The following GRIP1 variants were observed in gnomAD, a reference collection of about 807,000 sequenced individuals.
The protein encoded by GRIP1 is glutamate receptor-interacting protein 1.
A neutral mutation model predicts 129.9 loss-of-function variants in GRIP1; 45 were observed. The observed-to-expected ratio is 0.35, with a 90% CI of 0.27 to 0.44. The LOEUF (loss-of-function observed/expected upper bound fraction) is 0.44, where lower values mean the gene tolerates loss of function less well. Among genes scored for constraint, GRIP1 ranks in the 20% least tolerant of loss-of-function variants. GRIP1 has a pLI of 1.00. For missense variants in GRIP1, 1,196 were observed against 1,396.8 expected, an observed-to-expected ratio of 0.86 and a Z score of 2.29; for synonymous variants, 530 against 520.8, an observed-to-expected ratio of 1.02 and a Z score of -0.24.
intron 23 of GRIP1, among the ~76,000 whole-genome samples, chr12:66,368,650 C>T (rs2055290687): frequency 6.6e-6 from 1 of 152,162 alleles, no homozygotes; most frequent in Admixed American, 6.5e-5. Flanking sequence ...ATCCATGCCA[C>T]CACCGCAAAA....
At chr12:66,921,789 T>C (rs1336214102) in intron 1 of GRIP1, among the ~76,000 whole-genome samples, 1 of 152,238 alleles carries the variant, frequency 6.6e-6, no homozygotes, top group African/African-American at 2.4e-5. Context: ...ATCAGTTCTA[T>C]AGATCTAAAG....
intron 2 of GRIP1, among the ~76,000 whole-genome samples, chr12:66,546,304 T>C (rs1051073281): frequency 6.6e-6 from 1 of 150,526 alleles, no homozygotes; most frequent in Admixed American, 6.7e-5. Context: ...AGCAACACAG[T>C]GAGATCTCAT....
intron 12 of GRIP1, among the ~76,000 whole-genome samples, chr12:66,444,968 T>C (rs1414056371): frequency 6.6e-6 from 1 of 152,262 alleles, no homozygotes. Context: ...TTCATAACCA[T>C]GGTATTGTTA....
intron 19 of GRIP1, among the ~76,000 whole-genome samples, chr12:66,382,968 T>C (rs1018271130): frequency 6.6e-6 from 1 of 152,084 alleles, no homozygotes; most frequent in Non-Finnish European, 1.5e-5. Context: ...TGCAGTTAGA[T>C]AGCAGGTCAG....
At chr12:66,435,765 G>T (rs564137155) in intron 13 of GRIP1, among the ~76,000 whole-genome samples, 2 of 152,236 alleles carry the variant, frequency 1.3e-5, no homozygotes, top group Admixed American at 6.5e-5. Context: ...TGACACTGCA[G>T]GAGATATTAT....
chr12:66,697,712 C>T (rs866857407), intron 1 of GRIP1, among the ~76,000 whole-genome samples: 56 of 152,232 alleles, frequency 3.7e-4, no homozygotes, highest in Middle Eastern at 3.4e-3. Context: ...ATAGACAGCT[C>T]CAAATCTGAA....
At chr12:66,781,452 G>GA (rs1318107188) in intron 1 of GRIP1, among the ~76,000 whole-genome samples, 2 of 151,966 alleles carry the variant, frequency 1.3e-5, no homozygotes, top group Non-Finnish European at 2.9e-5. Context: ...ATCCAAACTA[G>GA]AAAAAATCAT....
chr12:66,839,162 GA>G (rs1192485654), intron 1 of GRIP1, among the ~76,000 whole-genome samples: 1 of 151,718 alleles, frequency 6.6e-6, no homozygotes, highest in East Asian at 1.9e-4. Context: ...AGGAAACAGA[GA>G]AAAAATGAAA....
intron 1 of GRIP1, among the ~76,000 whole-genome samples, chr12:66,617,494 A>G (rs1044265098): frequency 3.3e-5 from 5 of 152,026 alleles, no homozygotes; most frequent in African/African-American, 9.6e-5. Context: ...TTCTCTCTTT[A>G]TTTCTCTCAA....
chr12:66,779,518 A>C (rs1424514873), intron 1 of GRIP1, among the ~76,000 whole-genome samples: 1 of 152,234 alleles, frequency 6.6e-6, no homozygotes, highest in Admixed American at 6.5e-5. Context: ...CGTTTATTGT[A>C]TCAAAGAATA....
intron 1 of GRIP1, among the ~76,000 whole-genome samples, chr12:66,609,885 C>A (rs2064714491): frequency 6.6e-6 from 1 of 152,198 alleles, no homozygotes; most frequent in African/African-American, 2.4e-5. Flanking sequence ...ACACTTCAAT[C>A]ATGAAAGTAA....
intron 2 of GRIP1, among the ~76,000 whole-genome samples, chr12:66,584,288 G>A (rs2063525148): frequency 6.6e-6 from 1 of 151,686 alleles, no homozygotes; most frequent in Admixed American, 6.6e-5. Context: ...GGATAGCATT[G>A]GGAGATATAC....
In GRIP1 at chr12:66,856,658, C is replaced by A. The variant is rs1437531670; in HGVS notation, c.58+212392G>T. Among the ~76,000 whole-genome samples, 6 of 151,716 alleles carry A rather than the reference C, an allele frequency of 4.0e-5. No individual in the cohort carries two copies. The South Asian group carries it at 8.4e-4, about 21-fold the overall frequency. On this transcript the variant is annotated intron_variant, in intron 1 of 1. Coordinates refer to the GRIP1 transcript ENST00000643019. ...CACTGGCCATCAGAGAAATGCAAAT[C>A]AAAACCACAATGAGATACCATCTCA...
At chr12:66,691,590 T>C (rs2034983555) in intron 1 of GRIP1, among the ~76,000 whole-genome samples, 1 of 152,200 alleles carries the variant, frequency 6.6e-6, no homozygotes, top group South Asian at 2.1e-4. Flanking sequence ...GCTCCCACCA[T>C]GCCCTTGTCC....
intron 1 of GRIP1, among the ~76,000 whole-genome samples, chr12:66,861,540 T>TA (rs573669399): frequency 6.6e-6 from 1 of 152,094 alleles, no homozygotes; most frequent in Non-Finnish European, 1.5e-5. Context: ...TTTATAGAGA[T>TA]ACGCATATTG....
chr12:66,988,082 AAT>A (rs2042340000), intron 1 of GRIP1, among the ~76,000 whole-genome samples: 1 of 152,192 alleles, frequency 6.6e-6, no homozygotes, highest in Non-Finnish European at 1.5e-5. Flanking sequence ...AGAAACAATA[AAT>A]AAACTTAAGA....
rs112025707 is a variant in GRIP1 at position 67,053,786 on chromosome 12, C to T, written c.58+15264G>A. On this transcript the variant is annotated intron_variant, in intron 1 of 1. Transcript: ENST00000643019. ...CTGGGAAGTGGAGGTTGCAATGAGC[C>T]GAGATCGCACCACTGCACTCCAGCC... 1.4e-3 allele frequency among the ~76,000 whole-genome samples: 211 copies of T among 151,400 alleles called. 1 individual carries two copies. In the South Asian group the frequency reaches 0.018, roughly 13 times the overall value.
rs1300316997 is a variant in GRIP1 at position 66,678,918 on chromosome 12, T to C, written c.-14A>G. On this transcript the variant is annotated 5_prime_UTR_variant, in exon 1 of 25. Transcript: ENST00000359742. ...GACAGCTATCATTCTTGCTCACTGCTTTCTGTGGCAAAGTGTACTCAAGGC... is the reference window on the plus strand; with the variant it reads ...GACAGCTATCATTCTTGCTCACTGCCTTCTGTGGCAAAGTGTACTCAAGGC... 3 of 1,613,352 alleles carry C rather than the reference T, an allele frequency of 1.9e-6. No individual in the cohort carries two copies. Among genetic ancestry groups the C allele is most frequent in the African/African-American group, 2.7e-5 (2 of 75,008 alleles).
chr12:66,946,803 T>TGGGGGGGGGGGGGGG (rs1160685222), intron 1 of GRIP1, among the ~76,000 whole-genome samples: 1 of 6,238 alleles, frequency 1.6e-4, no homozygotes, highest in African/African-American at 6.6e-4. Context: ...GTGTGGGGGC[T>TGGGGGGGGGGGGGGG]GGGGGGGGCG....
Sources: gnomAD v4.1 joint callset for allele counts (sites outside exome capture counted in the v4.1 genomes callset) on GRCh38, gnomAD v4.1.1 for gene constraint, MANE v1.5 for transcripts, NCBI Gene and HGNC (gene_info 2026-07-23, HGNC 2026-07-21) for gene names.